The following FHIT variants were observed in gnomAD, a reference collection of about 807,000 sequenced individuals.
FHIT encodes the protein fragile histidine triad diadenosine triphosphatase, also known as bis(5'-adenosyl)-triphosphatase.
FHIT carries 19 observed loss-of-function variants against 17.9 expected under a neutral mutation model. The ratio of observed to expected loss-of-function variants is 1.06; its 90% CI spans 0.74 to 1.56. FHIT has a LOEUF of 1.56. Among genes scored for constraint, FHIT ranks in the 40% most tolerant of loss-of-function variants. The pLI, the probability that FHIT is intolerant of heterozygous loss-of-function variation, is 0.00. For synonymous variants in FHIT, 81 were observed against 69.7 expected, an observed-to-expected ratio of 1.16 and a Z score of -0.81; for missense variants, 248 against 189.2, an observed-to-expected ratio of 1.31 and a Z score of -1.82.
At chr3:60,902,669 C>A (rs1162955285) in intron 3 of FHIT, among the ~76,000 whole-genome samples, 1 of 152,146 alleles carries the variant, frequency 6.6e-6, no homozygotes, top group African/African-American at 2.4e-5. Context: ...CACAAGGGAG[C>A]CCCAACTTGA....
chr3:60,511,045 A>T (rs2034933225), intron 5 of FHIT, among the ~76,000 whole-genome samples: 1 of 152,162 alleles, frequency 6.6e-6, no homozygotes, highest in Non-Finnish European at 1.5e-5. Flanking sequence ...TAAAAACGTA[A>T]AACACATGTA....
intron 8 of FHIT, among the ~76,000 whole-genome samples, chr3:59,909,244 G>A (rs973057417): frequency 6.6e-6 from 1 of 152,060 alleles, no homozygotes; most frequent in Admixed American, 6.5e-5. Flanking sequence ...ATGCTGGCCA[G>A]GCTGATCTGG....
intron 4 of FHIT, among the ~76,000 whole-genome samples, chr3:60,674,188 G>A (rs1553694709): frequency 6.6e-6 from 1 of 151,908 alleles, no homozygotes; most frequent in African/African-American, 2.4e-5. Flanking sequence ...TGTTGCTAAG[G>A]CCATTCAGTA....
At chr3:61,224,937 T>A (rs1166063731) in intron 1 of FHIT, among the ~76,000 whole-genome samples, 2 of 152,250 alleles carry the variant, frequency 1.3e-5, no homozygotes, top group African/African-American at 4.8e-5. Context: ...TCTTCTCTTA[T>A]ATAACACCAT....
rs1428514394 is a variant in FHIT at position 59,986,584 on chromosome 3, C to T, written c.279+24787G>A. ...ACACACACACATATATACACACACA[C>T]ACACACACACACATATATATGTGTA... On this transcript the variant is annotated intron_variant, in intron 7 of 9. Transcript: ENST00000492590. Among the ~76,000 whole-genome samples, 2 of 61,128 alleles carry T rather than the reference C, an allele frequency of 3.3e-5. 1 individual carries two copies. The highest frequency in any genetic ancestry group is 5.6e-5 in the Non-Finnish European group (2 of 35,588). 40.1% of individuals were successfully genotyped at this position (61,128 alleles called of 152,430 possible).
At chr3:60,816,148 T>C (rs1490167508) in intron 4 of FHIT, among the ~76,000 whole-genome samples, 3 of 152,024 alleles carry the variant, frequency 2.0e-5, no homozygotes, top group African/African-American at 7.2e-5. Flanking sequence ...TGGTGGCGTC[T>C]TTGAGTTTTT....
chr3:60,229,724 G>A (rs185891066), intron 5 of FHIT, among the ~76,000 whole-genome samples: 2 of 152,258 alleles, frequency 1.3e-5, no homozygotes, highest in East Asian at 3.9e-4. Context: ...TCACACTTAC[G>A]TATAATCCCA....
rs1705824197 is a variant in FHIT, at chr3:59,929,086, G to A, written c.280-6672C>T. 2.0e-5 allele frequency among the ~76,000 whole-genome samples: 3 copies of A among 150,642 alleles called. No individual in the cohort carries two copies. In the South Asian group the frequency reaches 6.3e-4, roughly 31 times the overall value. The stretch of plus-strand genomic sequence containing the variant: ...TGGAACCCTTGTACAAGCTGGTGCA[G>A]ATGTAAAATGGTACGGCTGCTTTAG... On this transcript the variant is annotated intron_variant, in intron 7 of 9. Coordinates refer to ENST00000492590, the MANE Select transcript of FHIT (RefSeq NM_002012.4).
intron 5 of FHIT, among the ~76,000 whole-genome samples, chr3:60,027,629 C>T (rs1261958699): frequency 6.6e-6 from 1 of 151,854 alleles, no homozygotes. Flanking sequence ...GATTCCAACA[C>T]CTTTAATGTT....
At chr3:59,860,677 TTTA>T (rs1419995592) in intron 8 of FHIT, among the ~76,000 whole-genome samples, 2 of 152,166 alleles carry the variant, frequency 1.3e-5, no homozygotes, top group Admixed American at 6.6e-5. Flanking sequence ...TATGTTTGTG[TTTA>T]TTATGAAAAG....
intron 5 of FHIT, among the ~76,000 whole-genome samples, chr3:60,320,920 C>G (rs570600180): frequency 5.9e-5 from 9 of 152,148 alleles, no homozygotes; most frequent in African/African-American, 1.9e-4. Flanking sequence ...CACTATTTAA[C>G]TAATTTATTA....
intron 8 of FHIT, among the ~76,000 whole-genome samples, chr3:59,771,434 G>T (rs1270019973): frequency 6.6e-6 from 1 of 152,220 alleles, no homozygotes; most frequent in African/African-American, 2.4e-5. Flanking sequence ...CCAACGGAAA[G>T]CTTGACACCA....
chr3:61,068,480 T>G (rs2034690823), intron 2 of FHIT, among the ~76,000 whole-genome samples: 1 of 152,190 alleles, frequency 6.6e-6, no homozygotes, highest in Non-Finnish European at 1.5e-5. Flanking sequence ...TCTTTCTGAT[T>G]GCAGCCTGAA....
chr3:59,904,001 AGGG>A (rs1704459662), intron 8 of FHIT, among the ~76,000 whole-genome samples: 1 of 152,160 alleles, frequency 6.6e-6, no homozygotes, highest in Admixed American at 6.5e-5. Context: ...TGAGTTAGTT[AGGG>A]CCTGAAGAAA....
At chr3:60,774,169 A>G (rs1431994301) in intron 4 of FHIT, among the ~76,000 whole-genome samples, 2 of 152,232 alleles carry the variant, frequency 1.3e-5, no homozygotes. Context: ...TGGACAGAGT[A>G]GATATAGTAG....
intron 4 of FHIT, among the ~76,000 whole-genome samples, chr3:60,725,551 G>A (rs1271057963): frequency 6.6e-6 from 1 of 152,156 alleles, no homozygotes; most frequent in Admixed American, 6.5e-5. Context: ...CCAAGACATA[G>A]TTTCAGGTAA....
intron 5 of FHIT, among the ~76,000 whole-genome samples, chr3:60,228,384 T>C (rs1300558458): frequency 1.3e-5 from 2 of 152,088 alleles, no homozygotes; most frequent in African/African-American, 4.8e-5. Flanking sequence ...GAACTATTAA[T>C]AGACAGGAGT....
chr3:60,314,346 C>G (rs939323625), intron 5 of FHIT, among the ~76,000 whole-genome samples: 2 of 152,144 alleles, frequency 1.3e-5, no homozygotes, highest in African/African-American at 4.8e-5. Flanking sequence ...GAAGCCTTAT[C>G]TGGCTTCAAT....
intron 2 of FHIT, chr3:61,165,840 A>T (rs1173516600): frequency 1.3e-5 from 2 of 152,216 alleles, no homozygotes; most frequent in Non-Finnish European, 2.9e-5. Context: ...TGAAAAAAAA[A>T]GAGAAAGAAA....
Sources: allele counts gnomAD v4.1 joint callset (sites outside exome capture counted in the v4.1 genomes callset), GRCh38; gene constraint gnomAD v4.1.1; transcripts MANE v1.5; gene names NCBI Gene and HGNC (gene_info 2026-07-23, HGNC 2026-07-21).